The following MAP4K4 variants were observed in gnomAD, a reference collection of about 807,000 sequenced individuals.
The protein encoded by MAP4K4 is mitogen-activated protein kinase kinase kinase kinase 4.
In MAP4K4, 38 loss-of-function variants were observed where a neutral mutation model predicts 189.6. That is an observed-to-expected ratio of 0.20 (90% CI 0.15 to 0.26). The LOEUF (loss-of-function observed/expected upper bound fraction) is 0.26, where lower values mean the gene tolerates loss of function less well. MAP4K4 is among the 10% of genes least tolerant of loss of function. The pLI, the probability that MAP4K4 is intolerant of heterozygous loss-of-function variation, is 1.00. For missense variants in MAP4K4, 1,054 were observed against 1,726.9 expected (o/e 0.61, Z 6.91); for synonymous variants, 610 against 624.3 (o/e 0.98, Z 0.34).
At chr2:101,879,415 CTT>C (rs1387727126) in intron 27 of MAP4K4, among the ~76,000 whole-genome samples, 8 of 151,918 alleles carry the variant, frequency 5.3e-5, no homozygotes, top group South Asian at 2.1e-4. Context: ...AGAGATAACT[CTT>C]GTTAACATTT....
chr2:101,757,075 T>G (rs1161716723), intron 2 of MAP4K4, among the ~76,000 whole-genome samples: 4 of 152,184 alleles, frequency 2.6e-5, no homozygotes, highest in Non-Finnish European at 5.9e-5. Flanking sequence ...TTGAGATGGC[T>G]TCACAACTAT....
At chr2:101,881,414 T>A (rs1428811562) in intron 27 of MAP4K4, among the ~76,000 whole-genome samples, 1 of 152,060 alleles carries the variant, frequency 6.6e-6, no homozygotes, top group African/African-American at 2.4e-5. Context: ...TGGTTTTGGA[T>A]TTTTTTTGGT....
chr2:101,825,496 C>T, intron 5 of MAP4K4, 67 bp downstream of exon 5: 1 of 993,518 alleles, frequency 1.0e-6, no homozygotes, highest in East Asian at 2.6e-5. Context: ...ATTTTCCCAG[C>T]CCCAAGTACT....
At chr2:101,746,407 T>C (rs1057277637) in intron 2 of MAP4K4, among the ~76,000 whole-genome samples, 16 of 152,200 alleles carry the variant, frequency 1.1e-4, no homozygotes, top group South Asian at 2.1e-4. Flanking sequence ...TTTTTTCATG[T>C]TTTGTAAGTT....
intron 2 of MAP4K4, among the ~76,000 whole-genome samples, chr2:101,726,168 G>C (rs1401433585): frequency 2.0e-5 from 3 of 152,220 alleles, no homozygotes; most frequent in Non-Finnish European, 4.4e-5. Context: ...ATTGATGTCT[G>C]TGTTAGTTGC....
In MAP4K4 at chr2:101,718,256, C is replaced by CAA. The variant is rs879284137; in HGVS notation, c.123+19733_123+19734dup. Among the ~76,000 whole-genome samples, 17 of 88,856 alleles carry CAA rather than the reference C, an allele frequency of 1.9e-4. No individual in the cohort carries two copies. The East Asian group carries it at 2.0e-3, about 11-fold the overall frequency. The allele number at this position is 88,856 out of a possible 152,430, so 58.3% of individuals were successfully genotyped here. A position where few individuals can be genotyped will look rare whatever the true frequency, so the allele number is the denominator to read the frequency against. On this transcript the variant is annotated intron_variant, in intron 2 of 32. Coordinates refer to ENST00000324219, the Ensembl canonical transcript of MAP4K4. ...GGGCAACATGAGCTAGACTCCGTCT[C>CAA]AAAAAAAAAAAAAAAAGCTATCTTG...
At chr2:101,740,161 T>TAAAGCCTGCATTGCTGTA (rs1353029035) in intron 2 of MAP4K4, among the ~76,000 whole-genome samples, 8 of 115,044 alleles carry the variant, frequency 7.0e-5, no homozygotes, top group African/African-American at 1.3e-4. Context: ...CTTTTTTTTT[T>TAAAGCCTGCATTGCTGTA]TTTTTTTTTT....
At position 101,789,284 on chromosome 2, in the gene MAP4K4, A is replaced by G. The variant is rs373900281; in HGVS notation, c.124-1436A>G. ...CTACTCTTTCTCCTTGGGTTCAACA[A>G]AATCATCATTTGGTTTTAGGTTGTG... On this transcript the variant is annotated intron_variant, in intron 2 of 32. Coordinates refer to ENST00000324219, the Ensembl canonical transcript of MAP4K4. Among the ~76,000 whole-genome samples the G allele has an allele frequency of 1.3e-3, 199 of 152,332 alleles. 1 individual carries two copies. Among genetic ancestry groups the G allele is most frequent in the African/African-American group, 4.5e-3 (186 of 41,582 alleles).
rs190437005 is a variant in MAP4K4, at chr2:101,769,957, G to A, written c.124-20763G>A. 2.6e-4 allele frequency among the ~76,000 whole-genome samples: 39 copies of A among 152,200 alleles called. No homozygotes were observed. The East Asian group carries it at 5.6e-3, about 22-fold the overall frequency. ...TTAAAGGAAAGTCTGGAGGGAAATC[G>A]GAGACAACCACCAACCCTAACAGCT... On this transcript the variant is annotated intron_variant, in intron 2 of 32. Transcript: ENST00000324219.
At position 101,866,869 on chromosome 2, in the gene MAP4K4, C is replaced by T. The variant is rs183083952; in HGVS notation, c.2356+290C>T. 1.7e-3 allele frequency among the ~76,000 whole-genome samples: 257 copies of T among 150,096 alleles called. 1 individual carries two copies. Among genetic ancestry groups the T allele is most frequent in the Non-Finnish European group, 2.6e-3 (177 of 67,728 alleles). On this transcript the variant is annotated intron_variant, in intron 19 of 32. Coordinates refer to ENST00000324219, the Ensembl canonical transcript of MAP4K4. ...AGCTAGGATTTGAACCCATTTCTTT[C>T]GGTCTGGGCTCCAGAGCCTATACTG...
intron 2 of MAP4K4, among the ~76,000 whole-genome samples, chr2:101,774,233 CTT>C (rs2082850178): frequency 1.3e-5 from 2 of 152,134 alleles, no homozygotes; most frequent in Non-Finnish European, 2.9e-5. Context: ...GATTGCCTGT[CTT>C]TTGGATATGA....
intron 3 of MAP4K4, among the ~76,000 whole-genome samples, chr2:101,808,974 T>G (rs968315314): frequency 6.6e-6 from 1 of 152,216 alleles, no homozygotes. Context: ...CTATTTCTTA[T>G]GGCTGCCAGT....
At position 101,868,941 on chromosome 2, in the gene MAP4K4, C is replaced by T. The variant is rs562548569; in HGVS notation, c.2464-681C>T. Reference sequence around the variant, plus strand: ...AAGACACATGTCTATATGACAAAGTCTTCTTTAAAGGGGTCAGTCCAGAAA... The same window carrying T: ...AAGACACATGTCTATATGACAAAGTTTTCTTTAAAGGGGTCAGTCCAGAAA... On this transcript the variant is annotated intron_variant, in intron 21 of 32. Coordinates refer to ENST00000324219, the Ensembl canonical transcript of MAP4K4. 7.5e-4 allele frequency among the ~76,000 whole-genome samples: 114 copies of T among 152,054 alleles called. 1 individual carries two copies. Among genetic ancestry groups the T allele is most frequent in the Non-Finnish European group, 1.2e-3 (82 of 67,986 alleles).
intron 2 of MAP4K4, among the ~76,000 whole-genome samples, chr2:101,747,131 T>C (rs2066031426): frequency 6.6e-6 from 1 of 152,014 alleles, no homozygotes; most frequent in African/African-American, 2.4e-5. Flanking sequence ...GTTTGTTTTG[T>C]TTTTTGAGAT....
At chr2:101,866,056 T>C (rs1232673074) in intron 18 of MAP4K4, among the ~76,000 whole-genome samples, 1 of 152,198 alleles carries the variant, frequency 6.6e-6, no homozygotes, top group African/African-American at 2.4e-5. Flanking sequence ...AGCAGCAGCC[T>C]AGAAACAGAA....
chr2:101,835,787 G>C, intron 8 of MAP4K4, 113 bp from the exon 9 acceptor site: 1 of 679,956 alleles, frequency 1.5e-6, no homozygotes, highest in African/African-American at 1.8e-5. Flanking sequence ...TTGGTATGAA[G>C]CCTGTCAGTC....
At chr2:101,725,849 C>G (rs146081088) in intron 2 of MAP4K4, among the ~76,000 whole-genome samples, 112 of 152,338 alleles carry the variant, frequency 7.4e-4, no homozygotes, top group African/African-American at 2.5e-3. Context: ...CTCTTCAGGG[C>G]AGGCTCTGTA....
At chr2:101,712,596 T>C in intron 2 of MAP4K4, among the ~76,000 whole-genome samples, 1 of 151,994 alleles carries the variant, frequency 6.6e-6, no homozygotes, top group South Asian at 2.1e-4. Flanking sequence ...ATCTCCCAGG[T>C]TCAAGTGATT....
exon 6 of MAP4K4, chr2:101,829,577 A>G: frequency 3.1e-6 from 5 of 1,610,622 alleles, no homozygotes; most frequent in Admixed American, 1.7e-5. Context: ...CTGACTGAGA[A>G]TGCAGAGGTG....
Sources: allele counts gnomAD v4.1 joint callset (sites outside exome capture counted in the v4.1 genomes callset), GRCh38; gene constraint gnomAD v4.1.1; transcripts MANE v1.5; gene names NCBI Gene and HGNC (gene_info 2026-07-23, HGNC 2026-07-21).